Variants in CFAP47 observed in about 807,000 individuals in gnomAD.
CFAP47 encodes the protein cilia and flagella associated protein 47, also known as cilia- and flagella-associated protein 47.
CFAP47 carries 29 observed loss-of-function variants against 148.1 expected under a neutral mutation model. The ratio of observed to expected loss-of-function variants is 0.20; its 90% confidence interval spans 0.15 to 0.27. The LOEUF (loss-of-function observed/expected upper bound fraction) is 0.27, where lower values mean the gene tolerates loss of function less well. Ranked by LOEUF, CFAP47 falls within the 10% of genes least tolerant of loss-of-function variation. CFAP47 has a pLI of 1.00. For missense variants in CFAP47, 1,872 were observed against 1,697.5 expected (o/e 1.10, Z -1.81); for synonymous variants, 664 against 577.3 (o/e 1.15, Z -2.15).
chrX:36,085,695 T>A (rs899827384), intron 30 of CFAP47, among the ~76,000 whole-genome samples, 157 bp downstream of exon 30: 2 of 101,831 alleles, frequency 2.0e-5, no homozygotes, highest in East Asian at 2.9e-4. Context: ...ATATATATAT[T>A]ATATATATAT....
At chrX:36,265,529 T>A (rs1259908797) in intron 49 of CFAP47, among the ~76,000 whole-genome samples, 1 of 111,975 alleles carries the variant, frequency 8.9e-6, no homozygotes, top group Non-Finnish European at 1.9e-5. Context: ...CAGTATGATA[T>A]TGGCTATAGA....
At chrX:36,302,667 G>C (rs1440534469) in intron 53 of CFAP47, among the ~76,000 whole-genome samples, 2 of 111,886 alleles carry the variant, frequency 1.8e-5, no homozygotes, top group African/African-American at 6.5e-5. Context: ...AAAACCATTA[G>C]AATTGATAGT....
intron 2 of CFAP47, among the ~76,000 whole-genome samples, chrX:35,940,718 C>T (rs183016441): frequency 0.015 from 1,632 of 111,104 alleles, 34 homozygotes; most frequent in African/African-American, 0.051. Flanking sequence ...TTCTTAAGAC[C>T]TTTTCCTATA....
chrX:35,954,854 G>C (rs1007996811), intron 7 of CFAP47, among the ~76,000 whole-genome samples: 9 of 111,871 alleles, frequency 8.0e-5, no homozygotes, highest in African/African-American at 2.9e-4. Flanking sequence ...CAATGACTGA[G>C]TGAAAAGCCT....
At chrX:35,935,223 T>A (rs923877260) in intron 2 of CFAP47, among the ~76,000 whole-genome samples, 1 of 112,348 alleles carries the variant, frequency 8.9e-6, no homozygotes, top group African/African-American at 3.2e-5. Context: ...GTGGCAAGGC[T>A]TGCTAGAACT....
At chrX:35,988,301 CA>C (rs1444554313) in intron 15 of CFAP47, among the ~76,000 whole-genome samples, 2 of 111,905 alleles carry the variant, frequency 1.8e-5, no homozygotes, top group African/African-American at 6.5e-5. Context: ...TATTTACATT[CA>C]AATGTAATCT....
Position 36,280,650 on chromosome X carries a change from G to A in CFAP47, c.7588+20G>A. On this transcript the variant is annotated intron_variant, in intron 50 of 63. Transcript: ENST00000378653. Reference sequence around the variant, plus strand: ...ACACATGTAAGTTTATTATGACAGAGTTTCACTATTAGTTTGCATAAATCC... The same window carrying A: ...ACACATGTAAGTTTATTATGACAGAATTTCACTATTAGTTTGCATAAATCC... 3 of 460,461 alleles carry A rather than the reference G, an allele frequency of 6.5e-6. No individual in the cohort carries two copies. The highest frequency in any genetic ancestry group is 7.8e-5 in the East Asian group (2 of 25,758). 37.9% of individuals were successfully genotyped at this position (460,461 alleles called of 1,213,427 possible).
chrX:36,264,940 C>A (rs1556000802), intron 49 of CFAP47, among the ~76,000 whole-genome samples: 1 of 112,039 alleles, frequency 8.9e-6, no homozygotes, highest in East Asian at 2.8e-4. Context: ...ATTTCTAATT[C>A]TGTGAAAAAT....
intron 16 of CFAP47, among the ~76,000 whole-genome samples, chrX:35,990,697 C>A (rs1380504698): frequency 2.7e-5 from 3 of 110,516 alleles, no homozygotes; most frequent in Non-Finnish European, 3.8e-5. Context: ...TGTCTAAGAT[C>A]CCTTTCAGTG....
At chrX:35,933,338 G>A (rs1195508511) in intron 2 of CFAP47, among the ~76,000 whole-genome samples, 1 of 109,976 alleles carries the variant, frequency 9.1e-6, no homozygotes, top group Admixed American at 9.8e-5. Flanking sequence ...GTCTTTCTAT[G>A]CCTGGCTTAT....
chrX:35,993,428 CAT>C (rs1395345895), intron 18 of CFAP47, 107 bp downstream of exon 18: 2 of 269,237 alleles, frequency 7.4e-6, no homozygotes, highest in African/African-American at 2.8e-5. Flanking sequence ...ATGGAGTACA[CAT>C]GTTTATTATT....
rs17319969 is a variant in CFAP47, at chrX:36,335,955, A to G, written c.8444-12174A>G. Among the ~76,000 whole-genome samples, 16 of 111,293 alleles carry G rather than the reference A, an allele frequency of 1.4e-4. No homozygotes were observed. In the East Asian group the frequency reaches 4.5e-3, roughly 31 times the overall value. ...TTAGAAAACGATATCATAATGAGAA[A>G]ACTGTAAAGGATAAAGACATACACT... On this transcript the variant is annotated intron_variant, in intron 57 of 63. Transcript: ENST00000378653.
intron 2 of CFAP47, among the ~76,000 whole-genome samples, chrX:35,928,129 T>C (rs1010105798): frequency 9.1e-6 from 1 of 109,840 alleles, no homozygotes; most frequent in Non-Finnish European, 1.9e-5. Flanking sequence ...ACAAGTATTG[T>C]CTGAGCATAA....
intron 40 of CFAP47, among the ~76,000 whole-genome samples, chrX:36,183,113 C>T (rs1327186997): frequency 1.8e-5 from 2 of 112,052 alleles, no homozygotes; most frequent in Non-Finnish European, 3.8e-5. Flanking sequence ...AGTTCAAGAC[C>T]AGCCTGGGCA....
chrX:35,923,077 C>A (rs1935603321), intron 1 of CFAP47, among the ~76,000 whole-genome samples: 1 of 111,053 alleles, frequency 9.0e-6, no homozygotes, highest in Non-Finnish European at 1.9e-5. Flanking sequence ...CTTAACTAGT[C>A]CCTGGCTTAT....
intron 33 of CFAP47, among the ~76,000 whole-genome samples, chrX:36,121,943 T>C (rs1938752123): frequency 8.9e-6 from 1 of 111,813 alleles, no homozygotes. Context: ...TTACTCCTTT[T>C]AGCATTTCTT....
At chrX:35,985,596 G>T (rs1481236404) in intron 15 of CFAP47, among the ~76,000 whole-genome samples, 2 of 110,887 alleles carry the variant, frequency 1.8e-5, no homozygotes, top group Non-Finnish European at 3.8e-5. Context: ...TATGATAAGG[G>T]CCCCCAGGAA....
At chrX:36,383,697 A>G (rs1356486401) in intron 63 of CFAP47, among the ~76,000 whole-genome samples, 1 of 111,372 alleles carries the variant, frequency 9.0e-6, no homozygotes, top group Non-Finnish European at 1.9e-5. Context: ...TTGTTGTGCA[A>G]TACATTCTTG....
At chrX:36,165,415 C>T (rs1440699250) in intron 39 of CFAP47, among the ~76,000 whole-genome samples, 3 of 110,875 alleles carry the variant, frequency 2.7e-5, no homozygotes, top group Non-Finnish European at 5.7e-5. Flanking sequence ...CCAGAGTTTA[C>T]CATAGACATT....
Sources: gnomAD v4.1 joint callset for allele counts (sites outside exome capture counted in the v4.1 genomes callset) on GRCh38, gnomAD v4.1.1 for gene constraint, MANE v1.5 for transcripts, NCBI Gene and HGNC (gene_info 2026-07-23, HGNC 2026-07-21) for gene names.